The following CACHD1 variants were observed in gnomAD, a reference collection of about 807,000 sequenced individuals.
CACHD1 encodes VWFA and cache domain-containing protein 1.
CACHD1 carries 71 observed loss-of-function variants against 138.7 expected under a neutral mutation model. The ratio of observed to expected loss-of-function variants is 0.51; its 90% CI spans 0.42 to 0.62. The LOEUF (loss-of-function observed/expected upper bound fraction) is 0.62, where lower values mean the gene tolerates loss of function less well. CACHD1 is among the 20% of genes least tolerant of loss of function. CACHD1 has a pLI of 0.00. For missense variants in CACHD1, 1,389 were observed against 1,625.3 expected (o/e 0.85, Z 2.50); for synonymous variants, 578 against 591.5 (o/e 0.98, Z 0.33).
At chr1:64,667,264 C>T (rs1472541979) in intron 16 of CACHD1, among the ~76,000 whole-genome samples, 1 of 152,088 alleles carries the variant, frequency 6.6e-6, no homozygotes, top group Non-Finnish European at 1.5e-5. Context: ...TTATAGGAGG[C>T]AGATTTTCTT....
In CACHD1 at chr1:64,470,619, C is replaced by T; in HGVS notation, c.-126C>T. 1 of 362,260 alleles carries T rather than the reference C, an allele frequency of 2.8e-6. No homozygotes were observed. The highest frequency in any genetic ancestry group is 4.9e-6 in the Non-Finnish European group (1 of 202,836). The allele number at this position is 362,260 out of a possible 1,614,324, so 22.4% of individuals were successfully genotyped here. ...AGTTTGGGAGCCTTCGCCACCGCGG[C>T]GCGGAGCAGAGCCTGCAACAGAGGA... is the stretch of plus-strand genomic sequence containing the variant. On this transcript the variant is annotated 5_prime_UTR_variant, in exon 1 of 27. Transcript: ENST00000651257. This position sits in a 1 kb window ranked among gnomAD's most constrained non-coding sequence, Gnocchi z 5.2.
At chr1:64,621,460 C>G (rs1647910864) in intron 4 of CACHD1, among the ~76,000 whole-genome samples, 1 of 152,104 alleles carries the variant, frequency 6.6e-6, no homozygotes, top group Admixed American at 6.6e-5. Flanking sequence ...CTGTATACTT[C>G]CTTCCCCATG....
intron 1 of CACHD1, among the ~76,000 whole-genome samples, chr1:64,475,078 A>T (rs1467423093): frequency 1.3e-5 from 2 of 152,184 alleles, no homozygotes; most frequent in Non-Finnish European, 2.9e-5. Context: ...AGTGTCAAAG[A>T]TATAAAGCAA....
intron 1 of CACHD1, among the ~76,000 whole-genome samples, chr1:64,511,806 ATTGCCTTCCTTTGAACTACAG>A (rs1056738485): frequency 3.2e-4 from 49 of 152,278 alleles, no homozygotes; most frequent in African/African-American, 9.6e-4. Context: ...CTAGAATACA[ATTGCCTTCCTTTGAACTACAG>A]TTGCCTTCCT....
chr1:64,661,017 C>A (rs979357743), intron 13 of CACHD1, among the ~76,000 whole-genome samples: 1 of 152,036 alleles, frequency 6.6e-6, no homozygotes, highest in Non-Finnish European at 1.5e-5. Flanking sequence ...GTCTTGGCAC[C>A]CTTCCTCACC....
At position 64,470,196 on chromosome 1, in the gene CACHD1, GCTTT is replaced by G. The variant is rs1007568088; in HGVS notation, c.-539_-536del. Among the ~76,000 whole-genome samples, 1 of 152,022 alleles carries G rather than the reference GCTTT, an allele frequency of 6.6e-6. No individual in the cohort carries two copies. Among genetic ancestry groups the G allele is most frequent in the Non-Finnish European group, 1.5e-5 (1 of 67,984 alleles). On this transcript the variant is annotated 5_prime_UTR_variant, in exon 1 of 27. Coordinates refer to ENST00000651257, the MANE Select transcript of CACHD1 (RefSeq NM_020925.4). The surrounding 1 kb of genome is among the most constrained non-coding windows in gnomAD (Gnocchi z 5.2). The stretch of plus-strand genomic sequence containing the variant: ...AGACGCCTCCCTTTCCCCACCGCTT[GCTTT>G]CTTTCTTTCAGTTGTGTGGGTTTGT...
At chr1:64,602,346 A>G (rs1647224997) in intron 3 of CACHD1, among the ~76,000 whole-genome samples, 2 of 152,208 alleles carry the variant, frequency 1.3e-5, no homozygotes, top group Admixed American at 1.3e-4. Context: ...TTTCACATCT[A>G]GACCATTCCT....
intron 1 of CACHD1, among the ~76,000 whole-genome samples, chr1:64,520,612 C>G (rs1170272522): frequency 6.6e-6 from 1 of 152,188 alleles, no homozygotes; most frequent in East Asian, 1.9e-4. Context: ...CTAACATTGC[C>G]TTTGGAACCC....
At chr1:64,586,981 T>C (rs1278238671) in intron 3 of CACHD1, among the ~76,000 whole-genome samples, 2 of 152,214 alleles carry the variant, frequency 1.3e-5, no homozygotes, top group African/African-American at 4.8e-5. Flanking sequence ...TCTTGCCATA[T>C]GTATATGTAT....
intron 2 of CACHD1, among the ~76,000 whole-genome samples, chr1:64,567,038 G>T (rs941016307): frequency 6.6e-6 from 1 of 152,118 alleles, no homozygotes; most frequent in African/African-American, 2.4e-5. Flanking sequence ...GACCATGACA[G>T]AATAGTTCAC....
intron 4 of CACHD1, among the ~76,000 whole-genome samples, chr1:64,628,270 C>G (rs531012279): frequency 1.2e-3 from 186 of 152,292 alleles, no homozygotes; most frequent in African/African-American, 4.3e-3. Context: ...TTTACCTTAG[C>G]TCGGAATCTT....
chr1:64,677,136 C>T (rs936624512), intron 22 of CACHD1, 125 bp downstream of exon 22: 1 of 728,238 alleles, frequency 1.4e-6, no homozygotes, highest in Admixed American at 2.5e-5. Context: ...CTTTACCCAC[C>T]AGATTAAATG....
Position 64,667,183 on chromosome 1 carries a change from A to G in CACHD1, c.2387+1016A>G, listed in dbSNP as rs12136735. ...CATTGTTTTAATCCCTTCATTATAC[A>G]AATAGCTATTTTTTCCTAGCAACCA... On this transcript the variant is annotated intron_variant, in intron 16 of 26. Transcript: ENST00000651257. Among the ~76,000 whole-genome samples the G allele has an allele frequency of 3.1e-3, 470 of 152,292 alleles. 2 individuals carry two copies. The highest frequency in any genetic ancestry group is 5.9e-3 in the Non-Finnish European group (402 of 68,028).
intron 1 of CACHD1, among the ~76,000 whole-genome samples, chr1:64,517,298 G>A (rs542717398): frequency 6.6e-6 from 1 of 152,192 alleles, no homozygotes; most frequent in Non-Finnish European, 1.5e-5. Context: ...TTTCTGCATG[G>A]AGGTTACATT....
intron 6 of CACHD1, among the ~76,000 whole-genome samples, chr1:64,633,083 T>C (rs1420837107): frequency 6.6e-6 from 1 of 152,186 alleles, no homozygotes; most frequent in Non-Finnish European, 1.5e-5. Context: ...TCCTTTATGA[T>C]TGCATGGCTG....
intron 1 of CACHD1, among the ~76,000 whole-genome samples, chr1:64,480,343 C>T (rs932681827): frequency 2.6e-5 from 4 of 152,034 alleles, no homozygotes; most frequent in African/African-American, 4.8e-5. Context: ...GTTTTTTGAC[C>T]CTTTTCGTGA....
intron 8 of CACHD1, among the ~76,000 whole-genome samples, chr1:64,642,800 T>A (rs1350337761): frequency 6.6e-6 from 1 of 150,706 alleles, no homozygotes; most frequent in Non-Finnish European, 1.5e-5. Context: ...ATCCCAACAC[T>A]TTGTGAGGTC....
chr1:64,552,600 A>C (rs2100458392), intron 2 of CACHD1, among the ~76,000 whole-genome samples: 1 of 151,910 alleles, frequency 6.6e-6, no homozygotes, highest in South Asian at 2.1e-4. Context: ...CAGCCTCTCA[A>C]GTAACTTGGA....
Position 64,647,813 on chromosome 1 carries a change from G to T in CACHD1, c.1169G>T (p.Gly390Val), listed in dbSNP as rs779501871. 6 of 1,614,144 alleles carry T rather than the reference G, an allele frequency of 3.7e-6. No individual in the cohort carries two copies. In the Admixed American group the frequency reaches 5.0e-5, roughly 13 times the overall value. The change falls in exon 9 of 27, where the codon GGT becomes GTT. Residue 390 changes from glycine to valine, a missense_variant. Around this residue, in one of 5 missense-constraint regions of CACHD1, gnomAD observed 1,000 missense variants for 1,114.7 expected, o/e 0.90. Coordinates refer to ENST00000651257, the MANE Select transcript of CACHD1 (RefSeq NM_020925.4). ...CTTTCCATTTTAGATGGGGTGACTG[G>T]TTTGAAAGAGCTGGCTTTTCTGAGG... ...TYALMNDGVT[G>V]LKELAFLRDL...
Sources: gnomAD v4.1 joint callset for allele counts (sites outside exome capture counted in the v4.1 genomes callset) on GRCh38, gnomAD v4.1.1 for gene constraint, gnomAD v4.1.1 regional missense constraint, Gnocchi (gnomAD v3.1) non-coding constraint, MANE v1.5 for transcripts, NCBI Gene and HGNC (gene_info 2026-07-23, HGNC 2026-07-21) for gene names.